SERPINE2: variants seen among roughly 807,000 people sequenced by gnomAD.
SERPINE2 encodes glia-derived nexin.
SERPINE2 carries 14 observed loss-of-function variants against 36.3 expected under a neutral mutation model. That is an observed-to-expected ratio of 0.39 (90% CI 0.25 to 0.60). The LOEUF is 0.60. Among genes scored for constraint, SERPINE2 ranks in the 20% least tolerant of loss-of-function variants. SERPINE2 has a pLI of 0.57. For missense variants in SERPINE2, 418 were observed against 499.6 expected (o/e 0.84, Z 1.56); for synonymous variants, 192 against 191.8 (o/e 1.00, Z -0.01).
chr2:223,990,257 T>C (rs1690610227), intron 4 of SERPINE2, among the ~76,000 whole-genome samples: 1 of 152,156 alleles, frequency 6.6e-6, no homozygotes, highest in Admixed American at 6.5e-5. Flanking sequence ...GGAGGGAAGA[T>C]ACCAACACAC....
intron 1 of SERPINE2, among the ~76,000 whole-genome samples, chr2:224,024,512 A>T (rs996640762): frequency 6.6e-6 from 1 of 152,226 alleles, no homozygotes; most frequent in Admixed American, 6.5e-5. Context: ...TTCCCAGAAG[A>T]AACCTATGCC....
chr2:224,012,114 C>A (rs1218921244), intron 1 of SERPINE2, among the ~76,000 whole-genome samples: 1 of 152,148 alleles, frequency 6.6e-6, no homozygotes, highest in Non-Finnish European at 1.5e-5. Flanking sequence ...CCAGAGCTCC[C>A]CATGAGCTCT....
At chr2:223,994,382 T>C (rs1436089771) in intron 3 of SERPINE2, among the ~76,000 whole-genome samples, 1 of 152,022 alleles carries the variant, frequency 6.6e-6, no homozygotes, top group Non-Finnish European at 1.5e-5. Flanking sequence ...TAAGGGGACA[T>C]GAAGAAATAA....
chr2:223,983,837 A>G (rs1484690938), intron 5 of SERPINE2, among the ~76,000 whole-genome samples: 3 of 151,420 alleles, frequency 2.0e-5, no homozygotes, highest in Non-Finnish European at 4.4e-5. Context: ...CACTAAGGAG[A>G]CGTGGGCAGA....
chr2:223,992,849 T>C (rs58902880), intron 3 of SERPINE2, among the ~76,000 whole-genome samples: 4,906 of 152,296 alleles, frequency 0.032, 249 homozygotes, highest in African/African-American at 0.11. Context: ...CAGTGGCTTA[T>C]GTCTGTAATC....
intron 1 of SERPINE2, among the ~76,000 whole-genome samples, chr2:224,008,356 G>A (rs915443220): frequency 6.6e-6 from 1 of 152,142 alleles, no homozygotes; most frequent in Non-Finnish European, 1.5e-5. Context: ...CAACTACTTG[G>A]TTGCCCTGAG....
chr2:224,034,118 T>C (rs186748678), intron 1 of SERPINE2, among the ~76,000 whole-genome samples: 7 of 152,314 alleles, frequency 4.6e-5, no homozygotes, highest in Non-Finnish European at 8.8e-5. Flanking sequence ...ACACCACCGC[T>C]GGTGCAAATA....
intron 6 of SERPINE2, chr2:223,980,616 G>A: frequency 2.0e-6 from 1 of 511,088 alleles, no homozygotes; most frequent in South Asian, 2.3e-5. Context: ...TTCTGGAGAA[G>A]GGCCCAGGCC....
chr2:224,020,238 C>T (rs1477513058), intron 1 of SERPINE2, among the ~76,000 whole-genome samples: 3 of 152,162 alleles, frequency 2.0e-5, no homozygotes, highest in African/African-American at 7.2e-5. Flanking sequence ...TCAGCTTAGC[C>T]TCCTGCATCA....
At chr2:224,033,806 A>G (rs1359802191) in intron 1 of SERPINE2, among the ~76,000 whole-genome samples, 1 of 152,234 alleles carries the variant, frequency 6.6e-6, no homozygotes, top group Non-Finnish European at 1.5e-5. Context: ...GGGCAGAACC[A>G]TGCCAAAGGG....
chr2:224,009,401 AAT>A (rs1487177183), intron 1 of SERPINE2, among the ~76,000 whole-genome samples: 1 of 152,180 alleles, frequency 6.6e-6, no homozygotes, highest in Non-Finnish European at 1.5e-5. Context: ...TTCCCAAAGA[AAT>A]AAATGTACAG....
At chr2:224,029,204 C>T (rs12476888) in intron 1 of SERPINE2, among the ~76,000 whole-genome samples, 66,965 of 152,070 alleles carry the variant, frequency 0.44, 16,859 homozygotes, top group Non-Finnish European at 0.55. Flanking sequence ...TTTTAGTATA[C>T]ACATTTCAAA....
intron 5 of SERPINE2, among the ~76,000 whole-genome samples, chr2:223,983,734 A>ATGTG (rs1437957922): frequency 1.4e-4 from 11 of 77,260 alleles, no homozygotes; most frequent in Admixed American, 6.1e-4. Context: ...ATATGTGTGT[A>ATGTG]TATGTGTGTG....
Position 224,001,791 on chromosome 2 carries a change from T to C in SERPINE2, c.110A>G (p.Gln37Arg). 6.2e-7 allele frequency: 1 copy of C among 1,614,138 alleles called. No homozygotes were observed. The highest frequency in any genetic ancestry group is 8.5e-7 in the Non-Finnish European group (1 of 1,180,040). Residue 37 changes from glutamine (Q) to arginine (R), a missense_variant, in exon 2 of 9, where the codon CAG becomes CGG. Gln to Arg is a conservative substitution (Grantham distance 43). Transcript: ENST00000409304. ...CGACTTCACAATCTGATTGAAAACC[T>C]GGATCCCCGTGTTGGAGCCTAGTTC... ...LEELGSNTGIQVFNQIVKSRP... is the reference protein window; with the variant it reads ...LEELGSNTGIRVFNQIVKSRP...
intron 1 of SERPINE2, among the ~76,000 whole-genome samples, chr2:224,002,178 T>C (rs1691204597): frequency 6.6e-6 from 1 of 152,068 alleles, no homozygotes; most frequent in African/African-American, 2.4e-5. Flanking sequence ...GATTTCACCA[T>C]GTTGGCCAGG....
intron 1 of SERPINE2, chr2:224,031,211 C>T (rs931057416): frequency 2.0e-5 from 20 of 985,274 alleles, no homozygotes; most frequent in East Asian, 2.3e-4. Flanking sequence ...AAAGGCTGTG[C>T]GACCCTACAT....
At chr2:223,985,161 C>T in intron 4 of SERPINE2, 3 of 571,262 alleles carry the variant, frequency 5.3e-6, no homozygotes, top group Non-Finnish European at 6.2e-6. Flanking sequence ...GACAGAATGC[C>T]TTTGGGAATC....
At chr2:223,988,248 C>T (rs1690517329) in intron 4 of SERPINE2, among the ~76,000 whole-genome samples, 1 of 152,162 alleles carries the variant, frequency 6.6e-6, no homozygotes, top group Non-Finnish European at 1.5e-5. Flanking sequence ...GGGCTCACTG[C>T]ATCTCAACAT....
At chr2:223,992,605 C>A (rs1266720233) in intron 3 of SERPINE2, among the ~76,000 whole-genome samples, 1 of 152,152 alleles carries the variant, frequency 6.6e-6, no homozygotes, top group African/African-American at 2.4e-5. Context: ...AACAAAAAAT[C>A]AGTGTCTTTG....
Sources: allele counts gnomAD v4.1 joint callset (sites outside exome capture counted in the v4.1 genomes callset), GRCh38; gene constraint gnomAD v4.1.1; transcripts MANE v1.5; gene names NCBI Gene and HGNC (gene_info 2026-07-23, HGNC 2026-07-21).